ZNF808: variants seen among roughly 807,000 people sequenced by gnomAD.
ZNF808 encodes zinc finger protein 808.
Under a neutral mutation model 8.7 loss-of-function variants are expected in ZNF808, and 5 were observed. That is an observed-to-expected ratio of 0.58 (90% CI 0.30 to 1.21). The LOEUF is 1.21. Ranked by LOEUF, ZNF808 falls within the 50% of genes most tolerant of loss-of-function variation. The pLI is 0.07. For synonymous variants in ZNF808, 380 were observed against 366.0 expected (o/e 1.04, Z -0.44); for missense variants, 1,103 against 1,098.4 (o/e 1.00, Z -0.06).
Position 52,554,328 on chromosome 19 carries a change from C to T in ZNF808, c.1412C>T (p.Ala471Val), listed in dbSNP as rs773362272. 163 of 1,613,844 alleles carry T rather than the reference C, an allele frequency of 1.0e-4. No individual in the cohort carries two copies. Among genetic ancestry groups the T allele is most frequent in the Non-Finnish European group, 1.3e-4 (159 of 1,179,982 alleles). Residue 471 changes from alanine (A) to valine (V), a missense_variant, in exon 5 of 5, where the codon GCA becomes GTA. By Grantham distance (64) the Ala-to-Val change is moderately conservative. Transcript: ENST00000359798. ...DTAFTCNSQL[A>V]RHRRIHTGEK... ...GCTTTCACGTGTAATTCACAGCTGG[C>T]ACGACATAGAAGAATTCACACTGGA...
intron 4 of ZNF808, among the ~76,000 whole-genome samples, chr19:52,552,312 C>T (rs1462982878): frequency 4.6e-5 from 7 of 151,968 alleles, no homozygotes; most frequent in South Asian, 2.1e-4. Context: ...CCACCGCACC[C>T]GGCCCAAAAA....
At position 52,555,330 on chromosome 19, in the gene ZNF808, A is replaced by T. The variant is rs771495935; in HGVS notation, c.2414A>T (p.Tyr805Phe). 2.5e-6 allele frequency: 4 copies of T among 1,614,188 alleles called. No homozygotes were observed. Among genetic ancestry groups the T allele is most frequent in the South Asian group, 2.2e-5 (2 of 91,090 alleles). Reference sequence around the variant, plus strand: ...GACAAGGCTTTCGTGCGTAATTCATACCTGGCAAGACATATTAGAATTCAC... The same window carrying T: ...GACAAGGCTTTCGTGCGTAATTCATTCCTGGCAAGACATATTAGAATTCAC... ...VCDKAFVRNS[Y>F]LARHIRIHTA... Residue 805 changes from tyrosine to phenylalanine, a missense_variant, in exon 5 of 5, where the codon TAC becomes TTC. Physicochemically the swap from Tyr to Phe is conservative, Grantham distance 22. Transcript: ENST00000359798.
At chr19:52,528,966 A>G (rs573494948) in intron 1 of ZNF808, among the ~76,000 whole-genome samples, 213 of 151,944 alleles carry the variant, frequency 1.4e-3, no homozygotes, top group South Asian at 3.5e-3. Flanking sequence ...AGCAGAAGAG[A>G]AGAGGGGTAC....
downstream of ZNF808, among the ~76,000 whole-genome samples, chr19:52,556,970 CTTTG>C (rs928914975): frequency 9.9e-5 from 15 of 151,878 alleles, no homozygotes; most frequent in East Asian, 1.9e-4. Flanking sequence ...TATTCTTTTG[CTTTG>C]TTTGTTTGTT....
Position 52,562,155 on chromosome 19 carries a change from A to G in ZNF808, c.*423-1163A>G, listed in dbSNP as rs2059860249. On this transcript the variant is annotated intron_variant and NMD_transcript_variant, in intron 3 of 3. Transcript: ENST00000487863. Reference sequence around the variant, plus strand: ...CACTTTGGGAGGCTGAGACTGGTGGATCACCTGAGGTCAGGAGTTTGAGAG... The same window carrying G: ...CACTTTGGGAGGCTGAGACTGGTGGGTCACCTGAGGTCAGGAGTTTGAGAG... Among the ~76,000 whole-genome samples, 6 of 152,250 alleles carry G rather than the reference A, an allele frequency of 3.9e-5. No homozygotes were observed. In the South Asian group the frequency reaches 1.2e-3, roughly 32 times the overall value.
downstream of ZNF808, among the ~76,000 whole-genome samples, chr19:52,557,484 TCTCGAA>T (rs1260070525): frequency 6.6e-6 from 1 of 152,122 alleles, no homozygotes; most frequent in East Asian, 1.9e-4. Context: ...GCCAAGCTGG[TCTCGAA>T]CTCCTGACTT....
Position 52,555,454 on chromosome 19 carries a change from T to G in ZNF808, c.2538T>G (p.Pro846=), listed in dbSNP as rs1444692156. The change falls in exon 5 of 5, where the codon CCT becomes CCG. Residue 846 remains proline, a synonymous_variant. Coordinates refer to ENST00000359798, the MANE Select transcript of ZNF808 (RefSeq NM_001039886.4). The part of the protein sequence containing the change: ...RHHRIHTGEK[P]YKCEACDKVF... ...ATAGAATTCATACTGGAGAGAAACC[T>G]TACAAATGTGAAGCATGTGACAAAG... 3.1e-6 allele frequency: 5 copies of G among 1,614,062 alleles called. 1 individual carries two copies. In the Admixed American group the frequency reaches 8.3e-5, roughly 27 times the overall value.
downstream of ZNF808, among the ~76,000 whole-genome samples, chr19:52,557,622 C>T (rs1311414721): frequency 6.6e-6 from 1 of 152,150 alleles, no homozygotes; most frequent in African/African-American, 2.4e-5. Flanking sequence ...TACAGTTGAC[C>T]TTCTTTCACT....
chr19:52,566,964 T>TTTC (rs1279316100), downstream of ZNF808, among the ~76,000 whole-genome samples: 4 of 151,938 alleles, frequency 2.6e-5, no homozygotes, highest in South Asian at 8.3e-4. Context: ...GGTGTTTTTT[T>TTTC]TTTTTTGATG....
chr19:52,527,868 C>G (rs2059523638), intron 1 of ZNF808, 157 bp downstream of exon 1: 1 of 152,616 alleles, frequency 6.6e-6, no homozygotes, highest in Non-Finnish European at 1.5e-5. Context: ...GGTGTCGCTT[C>G]CTTTCGGGTT....
chr19:52,545,818 T>G (rs1213624715), intron 3 of ZNF808, among the ~76,000 whole-genome samples: 1 of 152,052 alleles, frequency 6.6e-6, no homozygotes, highest in Admixed American at 6.6e-5. Flanking sequence ...AAGGATTATA[T>G]GTATGCCTGT....
intron 3 of ZNF808, among the ~76,000 whole-genome samples, chr19:52,562,185 C>T (rs2059860359): frequency 6.6e-6 from 1 of 151,980 alleles, no homozygotes; most frequent in South Asian, 2.1e-4. Context: ...TGAGAGCAGC[C>T]TGGCCAACAT....
Position 52,553,116 on chromosome 19 carries a change from C to T in ZNF808, c.200C>T (p.Ser67Phe). The T allele has an allele frequency of 6.4e-7, 1 of 1,554,278 alleles. No homozygotes were observed. Among genetic ancestry groups the T allele is most frequent in the South Asian group, 1.3e-5 (1 of 79,798 alleles). Residue 67 changes from serine (S) to phenylalanine (F), a missense_variant, in exon 5 of 5, where the codon TCC becomes TTC. Physicochemically the swap from Ser to Phe is radical, Grantham distance 155. Transcript: ENST00000359798. ...YRNLEAVDIS[S>F]KHMMKEVLST... ...TGTTTATATTTTGTAGATATCTCTT[C>T]CAAACACATGATGAAGGAGGTCTTG...
chr19:52,532,291 T>C (rs2123066063), intron 1 of ZNF808, among the ~76,000 whole-genome samples: 1 of 152,054 alleles, frequency 6.6e-6, no homozygotes, highest in Non-Finnish European at 1.5e-5. Context: ...AGTGGCACAA[T>C]CTTGGCTCAT....
downstream of ZNF808, among the ~76,000 whole-genome samples, chr19:52,568,575 A>T (rs776313221): frequency 6.6e-6 from 1 of 152,112 alleles, no homozygotes; most frequent in Admixed American, 6.6e-5. Context: ...GCCGCAGCCT[A>T]TGCACTGGAC....
rs146475069 is a variant in ZNF808, at chr19:52,550,610, C to T, written c.191-2497C>T. On this transcript the variant is annotated intron_variant, in intron 4 of 4. Transcript: ENST00000359798. ...GTGCAATCTTGGCTCACTGCAACCT[C>T]GACTTCCTGGGTTCAAGTGATTGTC... Among the ~76,000 whole-genome samples the T allele has an allele frequency of 3.4e-4, 52 of 151,968 alleles. No homozygotes were observed. The East Asian group carries it at 8.6e-3, about 25-fold the overall frequency.
intron 3 of ZNF808, among the ~76,000 whole-genome samples, chr19:52,563,143 TA>T (rs1477104546): frequency 6.6e-6 from 1 of 152,188 alleles, no homozygotes; most frequent in East Asian, 1.9e-4. Flanking sequence ...GTAGTGATCT[TA>T]AATGTATTTC....
chr19:52,558,001 G>C (rs2059843694), downstream of ZNF808, among the ~76,000 whole-genome samples: 1 of 145,750 alleles, frequency 6.9e-6, no homozygotes, highest in Admixed American at 6.9e-5. Context: ...AAAATGGAGT[G>C]CGCGTCTAGG....
At chr19:52,540,114 C>T (rs140133059) in intron 2 of ZNF808, among the ~76,000 whole-genome samples, 3 of 151,018 alleles carry the variant, frequency 2.0e-5, no homozygotes, top group East Asian at 4.0e-4. Context: ...TGGGGTCAAG[C>T]GATTTTCCTG....
Sources: gnomAD v4.1 joint callset for allele counts (sites outside exome capture counted in the v4.1 genomes callset) on GRCh38, gnomAD v4.1.1 for gene constraint, MANE v1.5 for transcripts, NCBI Gene and HGNC (gene_info 2026-07-23, HGNC 2026-07-21) for gene names.